Variants in CTXND2 observed in about 807,000 individuals in gnomAD.
CTXND2 encodes the protein cortexin domain containing 2.
intron 1 of CTXND2, among the ~76,000 whole-genome samples, chr1:150,909,040 G>C (rs1001650514): frequency 1.3e-5 from 2 of 151,844 alleles, no homozygotes; most frequent in Non-Finnish European, 1.5e-5. Context: ...AGGAGTTTGA[G>C]CCCAGCCTGG....
At chr1:150,905,162 T>TA (rs1669116665) in intron 1 of CTXND2, among the ~76,000 whole-genome samples, 1 of 150,014 alleles carries the variant, frequency 6.7e-6, no homozygotes, top group Non-Finnish European at 1.5e-5. Flanking sequence ...TTTTTTTTTT[T>TA]AGGCCGAGTT....
At chr1:150,903,654 C>G (rs955856899) in intron 1 of CTXND2, among the ~76,000 whole-genome samples, 1 of 151,800 alleles carries the variant, frequency 6.6e-6, no homozygotes, top group Non-Finnish European at 1.5e-5. Flanking sequence ...AAAAAATTTG[C>G]TGGAATGGTG....
intron 1 of CTXND2, among the ~76,000 whole-genome samples, chr1:150,910,930 G>A (rs1435951226): frequency 6.6e-6 from 1 of 151,976 alleles, no homozygotes; most frequent in Non-Finnish European, 1.5e-5. Flanking sequence ...TCAGCCTCCG[G>A]AGTAGCTGGT....
At chr1:150,898,861 AG>A (rs1298113649) in intron 1 of CTXND2, among the ~76,000 whole-genome samples, 1 of 148,590 alleles carries the variant, frequency 6.7e-6, no homozygotes, top group Non-Finnish European at 1.5e-5. Flanking sequence ...GCGGATCACG[AG>A]GTCAGGAGAC....
intron 1 of CTXND2, among the ~76,000 whole-genome samples, chr1:150,898,921 CAAAA>C (rs750129735): frequency 1.6e-5 from 2 of 126,134 alleles, no homozygotes; most frequent in South Asian, 2.7e-4. Context: ...ACTAAAAATA[CAAAA>C]AAAAAAATAT....
chr1:150,908,217 G>C (rs868537294), intron 1 of CTXND2, among the ~76,000 whole-genome samples: 3 of 149,212 alleles, frequency 2.0e-5, no homozygotes, highest in Middle Eastern at 3.8e-3. Flanking sequence ...TGCCCAGGCT[G>C]GTCTTGAACT....
At chr1:150,906,773 C>T (rs587757181) in intron 1 of CTXND2, among the ~76,000 whole-genome samples, 42 of 152,300 alleles carry the variant, frequency 2.8e-4, no homozygotes, top group Non-Finnish European at 4.7e-4. Context: ...CTTCAGGTGT[C>T]TCCGAAGGAG....
At chr1:150,901,834 C>T (rs1384888573) in intron 1 of CTXND2, among the ~76,000 whole-genome samples, 2 of 151,412 alleles carry the variant, frequency 1.3e-5, no homozygotes, top group Non-Finnish European at 2.9e-5. Flanking sequence ...AGGAGAATGG[C>T]GTGAACCTGG....
intron 1 of CTXND2, among the ~76,000 whole-genome samples, chr1:150,890,847 T>C (rs1313258403): frequency 2.0e-5 from 3 of 152,174 alleles, no homozygotes; most frequent in Admixed American, 6.5e-5. Context: ...TTGTGAGTTC[T>C]GCAATATTAA....
In CTXND2 at chr1:150,890,122, G is replaced by A. The variant is rs146837025; in HGVS notation, c.-74+2809G>A. Among the ~76,000 whole-genome samples, 5 of 151,938 alleles carry A rather than the reference G, an allele frequency of 3.3e-5. 1 individual carries two copies. The highest frequency in any genetic ancestry group is 7.4e-5 in the Non-Finnish European group (5 of 67,944). ...TGCATGCATCTTGTATTCTGTATTGGGCACCACATTTTAAAAGGAATATAG... is the reference window on the plus strand; with the variant it reads ...TGCATGCATCTTGTATTCTGTATTGAGCACCACATTTTAAAAGGAATATAG... On this transcript the variant is annotated intron_variant, in intron 1 of 1. Transcript: ENST00000636087.
chr1:150,887,841 T>C (rs587634251), intron 1 of CTXND2, among the ~76,000 whole-genome samples: 137 of 149,750 alleles, frequency 9.1e-4, no homozygotes, highest in African/African-American at 3.2e-3. Context: ...AAGAATGAAG[T>C]GATCTGGAAA....
At chr1:150,893,430 G>A (rs983767211) in intron 1 of CTXND2, among the ~76,000 whole-genome samples, 4 of 151,876 alleles carry the variant, frequency 2.6e-5, no homozygotes, top group African/African-American at 9.7e-5. Context: ...TCTTTCAACT[G>A]TTGCCCATTA....
At position 150,890,255 on chromosome 1, in the gene CTXND2, T is replaced by C. The variant is rs768680476; in HGVS notation, c.-74+2942T>C. ...TATTTTTAAATTACTGAAACTCTTG[T>C]GTATGGAAAAGATATGTGTTGCCTT... is the stretch of plus-strand genomic sequence containing the variant. On this transcript the variant is annotated intron_variant, in intron 1 of 1. Coordinates refer to ENST00000636087, the Ensembl canonical transcript of CTXND2. 3.7e-4 allele frequency among the ~76,000 whole-genome samples: 55 copies of C among 149,958 alleles called. 1 individual carries two copies. Among genetic ancestry groups the C allele is most frequent in the Non-Finnish European group, 7.1e-4 (47 of 66,570 alleles).
exon 2 of CTXND2, chr1:150,912,495 C>A: frequency 2.5e-6 from 1 of 398,564 alleles, no homozygotes. Flanking sequence ...TATAATAAAA[C>A]CTGGTAGACT....
At chr1:150,904,175 G>T (rs759886440) in intron 1 of CTXND2, 5 of 637,524 alleles carry the variant, frequency 7.8e-6, no homozygotes, top group South Asian at 2.8e-5. Context: ...AGAAAAGGCC[G>T]ACTTGACAGC....
At chr1:150,897,714 A>G (rs587679205) in intron 1 of CTXND2, among the ~76,000 whole-genome samples, 1 of 152,378 alleles carries the variant, frequency 6.6e-6, no homozygotes, top group African/African-American at 2.4e-5. Context: ...AGAGCACTAT[A>G]GAAAGGACAA....
exon 2 of CTXND2, chr1:150,912,272 G>A: frequency 2.5e-6 from 1 of 398,500 alleles, no homozygotes; most frequent in Admixed American, 4.4e-5. Context: ...TATACCTGAG[G>A]AATTAGCTGG....
chr1:150,896,886 G>C (rs1193856520), intron 1 of CTXND2, among the ~76,000 whole-genome samples: 1 of 152,108 alleles, frequency 6.6e-6, no homozygotes, highest in African/African-American at 2.4e-5. Flanking sequence ...ATAAATTATA[G>C]TGAATATTAC....
At chr1:150,889,293 G>A (rs1025506324) in intron 1 of CTXND2, among the ~76,000 whole-genome samples, 8 of 151,570 alleles carry the variant, frequency 5.3e-5, no homozygotes, top group South Asian at 2.1e-4. Flanking sequence ...CCAGCTACTC[G>A]GGAGGCTGAG....
Sources: gnomAD v4.1 joint callset for allele counts (sites outside exome capture counted in the v4.1 genomes callset) on GRCh38, gnomAD v4.1.1 for gene constraint, MANE v1.5 for transcripts, NCBI Gene and HGNC (gene_info 2026-07-23, HGNC 2026-07-21) for gene names.